Variants in ARAP2 observed in about 807,000 individuals in gnomAD.
ARAP2 encodes the protein arf-GAP with Rho-GAP domain, ANK repeat and PH domain-containing protein 2.
A neutral mutation model predicts 194.5 loss-of-function variants in ARAP2; 148 were observed. The observed-to-expected ratio is 0.76, with a 90% confidence interval of 0.67 to 0.87. The LOEUF (loss-of-function observed/expected upper bound fraction) is 0.87. Ranked by LOEUF, ARAP2 falls within the 40% of genes least tolerant of loss-of-function variation. The probability of loss-of-function intolerance (pLI) is 0.00; values close to 1 mark genes in which losing one functional copy is unlikely to be tolerated. For synonymous variants in ARAP2, 695 were observed against 683.5 expected (o/e 1.02, Z -0.26); for missense variants, 2,128 against 1,989.7 (o/e 1.07, Z -1.32).
rs371789070 is a variant in ARAP2 at position 36,179,314 on chromosome 4, A to G, written c.1679-1309T>C. 2.0e-3 allele frequency among the ~76,000 whole-genome samples: 297 copies of G among 152,304 alleles called. 1 individual carries two copies. Among genetic ancestry groups the G allele is most frequent in the African/African-American group, 7.0e-3 (290 of 41,572 alleles). On this transcript the variant is annotated intron_variant, in intron 8 of 32. Coordinates refer to ENST00000303965, the MANE Select transcript of ARAP2 (RefSeq NM_015230.4). ...GAAAAAAATTAGTTGTATACATATG[A>G]TGGGTGTTGATAAGAAAAACAAATT...
chr4:36,018,087 T>G (rs4429748), intron 6 of ARAP2, among the ~76,000 whole-genome samples: 112,582 of 152,000 alleles, frequency 0.74, 42,095 homozygotes, highest in East Asian at 0.92. Flanking sequence ...TATTTAGTTT[T>G]TCACTGTGTG....
At chr4:36,224,858 T>G (rs545358937) in intron 2 of ARAP2, among the ~76,000 whole-genome samples, 3 of 152,140 alleles carry the variant, frequency 2.0e-5, no homozygotes, top group Non-Finnish European at 4.4e-5. Context: ...AACATAAAAT[T>G]TTCTTGAAGA....
In ARAP2 at chr4:36,210,559, C is replaced by T. The variant is rs770751624; in HGVS notation, c.1318G>A (p.Ala440Thr). The change falls in exon 6 of 33, where the codon GCC becomes ACC. Residue 440 changes from alanine (A) to threonine (T), a missense_variant. By Grantham distance (58) the Ala-to-Thr change is moderately conservative (BLOSUM62 0). Transcript: ENST00000303965. The part of the protein sequence containing the change: ...SKASKSRTQK[A>T]LILDSVNRHS... ...CTATTAACGGAGTCCAAAATCAAGG[C>T]TTTTTGAGTCCTAGATTTAGATGCC... 1.9e-6 allele frequency: 3 copies of T among 1,613,852 alleles called. No homozygotes were observed. The highest frequency in any genetic ancestry group is 2.2e-5 in the East Asian group (1 of 44,864).
chr4:36,160,701 C>T (rs1228246547), intron 12 of ARAP2, 60 bp from the exon 13 acceptor site: 12 of 1,260,216 alleles, frequency 9.5e-6, no homozygotes, highest in Middle Eastern at 2.8e-4. Context: ...TTTGAATCTG[C>T]AGGAAACTGA....
At chr4:36,088,022 C>T (rs779661340) in intron 28 of ARAP2, among the ~76,000 whole-genome samples, 12 of 152,060 alleles carry the variant, frequency 7.9e-5, no homozygotes, top group African/African-American at 1.4e-4. Context: ...ATAAAATGTA[C>T]GGAACTCTGC....
chr4:36,051,991 T>C (rs1722747650), intron 3 of ARAP2: 1 of 152,224 alleles, frequency 6.6e-6, no homozygotes, highest in Non-Finnish European at 1.5e-5. Flanking sequence ...TTCTGACACC[T>C]TTAACGAAAC....
intron 6 of ARAP2, among the ~76,000 whole-genome samples, chr4:36,205,406 A>C (rs1246951735): frequency 6.6e-6 from 1 of 152,188 alleles, no homozygotes; most frequent in African/African-American, 2.4e-5. Flanking sequence ...GAGGTAAGAA[A>C]TGTCACTTTT....
chr4:36,216,959 C>T (rs1429844856), intron 2 of ARAP2, among the ~76,000 whole-genome samples: 1 of 152,092 alleles, frequency 6.6e-6, no homozygotes, highest in African/African-American at 2.4e-5. Flanking sequence ...ATGGTATAGC[C>T]ATTATATTCT....
intron 6 of ARAP2, among the ~76,000 whole-genome samples, chr4:36,201,046 A>G (rs931637992): frequency 5.3e-5 from 8 of 152,242 alleles, no homozygotes; most frequent in African/African-American, 1.9e-4. Context: ...GTTGCAATCA[A>G]TAAAGAAGTT....
intron 20 of ARAP2, among the ~76,000 whole-genome samples, chr4:36,132,866 T>C (rs1348511403): frequency 6.6e-6 from 1 of 151,830 alleles, no homozygotes; most frequent in Non-Finnish European, 1.5e-5. Flanking sequence ...TGTGTCACTG[T>C]AGGCTTTAAT....
intron 1 of ARAP2, 45 bp from the exon 2 acceptor site, chr4:36,229,690 A>C (rs1751053127): frequency 4.7e-6 from 2 of 423,646 alleles, no homozygotes; most frequent in Non-Finnish European, 8.4e-6. Flanking sequence ...TTTAATTATT[A>C]AAATCTACTT....
At position 36,094,142 on chromosome 4, in the gene ARAP2, T is replaced by C. The variant is rs576405454; in HGVS notation, c.4286-2122A>G. ...TGGCTGCAGGCCAAATCCAACCCTC[T>C]GCTTATTTTTATATGGCCCATGAGC... On this transcript the variant is annotated intron_variant, in intron 27 of 32. Transcript: ENST00000303965. Among the ~76,000 whole-genome samples, 10 of 152,322 alleles carry C rather than the reference T, an allele frequency of 6.6e-5. No homozygotes were observed. The South Asian group carries it at 1.9e-3, about 28-fold the overall frequency.
intron 20 of ARAP2, among the ~76,000 whole-genome samples, chr4:36,129,048 T>TA (rs1402740504): frequency 6.6e-6 from 1 of 151,970 alleles, no homozygotes; most frequent in Non-Finnish European, 1.5e-5. Context: ...TATCTTCACT[T>TA]AGTCTCCCAG....
chr4:36,043,810 G>C (rs1291828396), intron 5 of ARAP2, among the ~76,000 whole-genome samples: 2 of 56,450 alleles, frequency 3.5e-5, no homozygotes, highest in African/African-American at 5.4e-5. Context: ...GAAGGGAAGG[G>C]AAGGGAAGGG....
chr4:36,039,573 T>C (rs1720497642), intron 5 of ARAP2, among the ~76,000 whole-genome samples: 1 of 152,072 alleles, frequency 6.6e-6, no homozygotes, highest in Non-Finnish European at 1.5e-5. Flanking sequence ...AGCCTGAAAA[T>C]CCTGCTCATA....
At chr4:36,100,824 G>A (rs1416644529) in intron 27 of ARAP2, among the ~76,000 whole-genome samples, 16 of 151,824 alleles carry the variant, frequency 1.1e-4, no homozygotes, top group Admixed American at 7.2e-4. Flanking sequence ...ATCTTTTTAA[G>A]GCTAACAGAT....
At chr4:36,021,183 T>C (rs191229597) in intron 5 of ARAP2, among the ~76,000 whole-genome samples, 215 of 152,358 alleles carry the variant, frequency 1.4e-3, no homozygotes, top group Admixed American at 4.9e-3. Context: ...CAGGTGCATA[T>C]GAGTTGCAAG....
At chr4:36,144,020 GCTTCCATAT>G (rs1253649555) in intron 19 of ARAP2, among the ~76,000 whole-genome samples, 1 of 151,706 alleles carries the variant, frequency 6.6e-6, no homozygotes, top group Non-Finnish European at 1.5e-5. Context: ...TAGTGCTCTG[GCTTCCATAT>G]CTTCCATATA....
At chr4:36,152,197 A>G (rs1463591700) in intron 15 of ARAP2, among the ~76,000 whole-genome samples, 1 of 152,194 alleles carries the variant, frequency 6.6e-6, no homozygotes, top group African/African-American at 2.4e-5. Context: ...GGCAGAAGCA[A>G]ATAGCATAAA....
Sources: allele counts gnomAD v4.1 joint callset (sites outside exome capture counted in the v4.1 genomes callset), GRCh38; gene constraint gnomAD v4.1.1; transcripts MANE v1.5; gene names NCBI Gene and HGNC (gene_info 2026-07-23, HGNC 2026-07-21).